Variants in FRMD3 observed in about 807,000 individuals in gnomAD.
FRMD3 encodes the protein FERM domain-containing protein 3.
In FRMD3, 33 loss-of-function variants were observed where a neutral mutation model predicts 70.2. That is an observed-to-expected ratio of 0.47 (90% CI 0.36 to 0.63). The LOEUF is 0.63. Among genes scored for constraint, FRMD3 ranks in the 20% least tolerant of loss-of-function variants. The pLI is 0.00. For synonymous variants in FRMD3, 279 were observed against 255.9 expected (o/e 1.09, Z -0.86); for missense variants, 632 against 711.4 (o/e 0.89, Z 1.27).
chr9:83,550,622 G>A, the FRMD3 span, among the ~76,000 whole-genome samples: 2 of 151,020 alleles, frequency 1.3e-5, no homozygotes, highest in Admixed American at 6.6e-5. Flanking sequence ...TGATTACTTC[G>A]AGCAGTGTTT....
intron 6 of FRMD3, among the ~76,000 whole-genome samples, chr9:83,315,096 T>C (rs1835514470): frequency 1.3e-5 from 2 of 152,180 alleles, no homozygotes; most frequent in Non-Finnish European, 2.9e-5. Context: ...TCCAATGTAA[T>C]ATCTATGTGG....
intron 4 of FRMD3, among the ~76,000 whole-genome samples, chr9:83,347,721 A>G (rs1824008472): frequency 6.6e-6 from 1 of 152,240 alleles, no homozygotes. Context: ...CAAACTTTAG[A>G]TTAATCTTAT....
intron 1 of FRMD3, among the ~76,000 whole-genome samples, chr9:83,507,449 C>CTT: frequency 6.7e-6 from 1 of 148,440 alleles, no homozygotes; most frequent in East Asian, 2.0e-4. Flanking sequence ...GGGTGGATCA[C>CTT]AAGGTCAGGA....
intron 1 of FRMD3, among the ~76,000 whole-genome samples, chr9:83,401,470 A>C (rs1825948481): frequency 6.6e-6 from 1 of 152,222 alleles, no homozygotes; most frequent in African/African-American, 2.4e-5. Flanking sequence ...TGCTGGAATT[A>C]AGATTTCAAA....
chr9:83,377,478 A>G (rs547413363), intron 2 of FRMD3, among the ~76,000 whole-genome samples: 5 of 151,938 alleles, frequency 3.3e-5, no homozygotes, highest in Admixed American at 2.0e-4. Flanking sequence ...GTAATCCCCA[A>G]TGTTGGAGGT....
the FRMD3 span, among the ~76,000 whole-genome samples, chr9:83,562,707 T>C: frequency 2.1e-4 from 32 of 152,336 alleles, 1 homozygote; most frequent in Middle Eastern, 3.4e-3. Context: ...CCACAGGCTC[T>C]GTGAAAGAAG....
At chr9:83,404,262 G>T (rs993500576) in intron 1 of FRMD3, among the ~76,000 whole-genome samples, 1 of 152,184 alleles carries the variant, frequency 6.6e-6, no homozygotes, top group Non-Finnish European at 1.5e-5. Context: ...AACTCAAGCT[G>T]AGGGTGTTTC....
intron 1 of FRMD3, among the ~76,000 whole-genome samples, chr9:83,396,397 A>C (rs1428650358): frequency 6.6e-6 from 1 of 152,226 alleles, no homozygotes; most frequent in Non-Finnish European, 1.5e-5. Context: ...TCTTTCTTAA[A>C]GGAACCCAGA....
chr9:83,427,146 C>T lies in FRMD3; in HGVS notation c.148-37438G>A, dbSNP rs528777931. On this transcript the variant is annotated intron_variant, in intron 1 of 13. Coordinates refer to ENST00000304195, the MANE Select transcript of FRMD3 (RefSeq NM_174938.6). ...TTGTTCAAAATTCAGGTTCCCAGAC[C>T]AAAGTGTAATCTGTGGAATCAGAAA... Among the ~76,000 whole-genome samples, 7 of 152,260 alleles carry T rather than the reference C, an allele frequency of 4.6e-5. No individual in the cohort carries two copies. In the South Asian group the frequency reaches 1.5e-3, roughly 32 times the overall value.
At chr9:83,489,253 A>G (rs1243736689) in intron 1 of FRMD3, among the ~76,000 whole-genome samples, 2 of 152,194 alleles carry the variant, frequency 1.3e-5, no homozygotes, top group Non-Finnish European at 2.9e-5. Context: ...AAAATTGACA[A>G]GTGGGACCTA....
chr9:83,450,361 T>G (rs1476616294), intron 1 of FRMD3, among the ~76,000 whole-genome samples: 1 of 142,230 alleles, frequency 7.0e-6, no homozygotes, highest in Non-Finnish European at 1.6e-5. Context: ...TTTTTTTTTT[T>G]TTTTTTTTTA....
chr9:83,452,129 G>A (rs1827676997), intron 1 of FRMD3, among the ~76,000 whole-genome samples: 1 of 152,166 alleles, frequency 6.6e-6, no homozygotes, highest in African/African-American at 2.4e-5. Context: ...AATAACTGTG[G>A]CCTTCCCCCA....
At chr9:83,297,183 A>T (rs775017580) in intron 12 of FRMD3, among the ~76,000 whole-genome samples, 1 of 152,232 alleles carries the variant, frequency 6.6e-6, no homozygotes, top group Non-Finnish European at 1.5e-5. Flanking sequence ...TATTGCAAAA[A>T]AAGTGTCCTG....
chr9:83,248,516 C>T lies in FRMD3; in HGVS notation c.1196G>A (p.Gly399Asp). 1 of 1,549,816 alleles carries T rather than the reference C, an allele frequency of 6.5e-7. No homozygotes were observed. The highest frequency in any genetic ancestry group is 8.7e-7 in the Non-Finnish European group (1 of 1,154,464). The part of the protein sequence containing the change: ...EQEEELPLGE[G>D]VPLPKEENIS... ...GTTCTCCTCTTTAGGCAATGGAACACCTGTAAAGAGACATTTTTTTTTCTA... is the reference window on the plus strand; with the variant it reads ...GTTCTCCTCTTTAGGCAATGGAACATCTGTAAAGAGACATTTTTTTTTCTA... Residue 399 changes from glycine (G) to aspartate (D), a missense_variant and splice_region_variant, in exon 14 of 14, where the codon GGT becomes GAT. This residue lies in a region of FRMD3 where 418 missense variants were observed against 442.1 expected (regional missense o/e 0.95). Coordinates refer to ENST00000304195, the MANE Select transcript of FRMD3 (RefSeq NM_174938.6).
At chr9:83,403,302 A>AT (rs1051890219) in intron 1 of FRMD3, among the ~76,000 whole-genome samples, 2 of 152,070 alleles carry the variant, frequency 1.3e-5, no homozygotes, top group African/African-American at 4.8e-5. Flanking sequence ...TAATGGTAGC[A>AT]TTTTTTGCAA....
intron 1 of FRMD3, among the ~76,000 whole-genome samples, chr9:83,446,101 A>C (rs1361528992): frequency 2.0e-5 from 3 of 152,170 alleles, no homozygotes; most frequent in Non-Finnish European, 4.4e-5. Flanking sequence ...GAAGACAAAA[A>C]CACAGATCCC....
chr9:83,284,061 A>ATTTTTTTT (rs71365307), intron 13 of FRMD3, among the ~76,000 whole-genome samples: 43 of 101,592 alleles, frequency 4.2e-4, no homozygotes, highest in Non-Finnish European at 5.3e-4. Context: ...CTAGGATGTT[A>ATTTTTTTT]TTTTTTTTTT....
the FRMD3 span, among the ~76,000 whole-genome samples, chr9:83,550,446 T>C: frequency 6.6e-6 from 1 of 152,170 alleles, no homozygotes; most frequent in Non-Finnish European, 1.5e-5. Flanking sequence ...TTTGGTTCCA[T>C]ATAAATTTTT....
chr9:83,300,822 G>A (rs1834893275), intron 10 of FRMD3, among the ~76,000 whole-genome samples: 1 of 152,170 alleles, frequency 6.6e-6, no homozygotes, highest in Admixed American at 6.5e-5. Flanking sequence ...GTACGAAGGA[G>A]AATAAGGCAA....
Sources: allele counts gnomAD v4.1 joint callset (sites outside exome capture counted in the v4.1 genomes callset), GRCh38; gene constraint gnomAD v4.1.1; regional missense constraint gnomAD v4.1.1; transcripts MANE v1.5; gene names NCBI Gene and HGNC (gene_info 2026-07-23, HGNC 2026-07-21).